The following IL12A variants were observed in gnomAD, a reference collection of about 807,000 sequenced individuals.
IL12A encodes interleukin 12A.
Under a neutral mutation model 23.5 loss-of-function variants are expected in IL12A, and 16 were observed. The ratio of observed to expected loss-of-function variants is 0.68; its 90% CI spans 0.46 to 1.03. The LOEUF (loss-of-function observed/expected upper bound fraction) is 1.03, where lower values mean the gene tolerates loss of function less well. IL12A is among the 50% of genes least tolerant of loss of function. The pLI is 0.00. For synonymous variants in IL12A, 106 were observed against 111.5 expected (o/e 0.95, Z 0.31); for missense variants, 275 against 307.0 (o/e 0.90, Z 0.78).
At chr3:159,994,388 T>G (rs1720423349) in intron 6 of IL12A, 1 of 154,220 alleles carries the variant, frequency 6.5e-6, no homozygotes, top group African/African-American at 2.4e-5. Flanking sequence ...ACCTATCATC[T>G]GGGGCATCTA....
intron 3 of IL12A, 96 bp downstream of exon 3, chr3:159,993,221 A>G (rs1275822724): frequency 1.3e-6 from 1 of 779,888 alleles, no homozygotes; most frequent in Non-Finnish European, 2.2e-6. Flanking sequence ...GGTATCCATC[A>G]TTATGGGATT....
At chr3:159,989,222 G>C (rs1345005424) in intron 1 of IL12A, 48 bp downstream of exon 1, 8 of 1,479,346 alleles carry the variant, frequency 5.4e-6, no homozygotes, top group Non-Finnish European at 7.5e-6. Flanking sequence ...GTGCGGAGGG[G>C]CGGCTGCTTG....
Position 159,993,743 on chromosome 3 carries a change from C to A in IL12A, c.505C>A (p.Gln169Lys). ...TATTTATGAAGACTTGAAGATGTAC[C>A]AGGTGGAGTTCAAGACCATGAATGC... Residue 169 changes from glutamine to lysine, a missense_variant, in exon 6 of 7, where the codon CAG becomes AAG. Transcript: ENST00000305579. 1 of 1,613,950 alleles carries A rather than the reference C, an allele frequency of 6.2e-7. No individual in the cohort carries two copies. The highest frequency in any genetic ancestry group is 1.1e-5 in the South Asian group (1 of 91,074).
chr3:159,993,701 G>A lies in IL12A; in HGVS notation c.463G>A (p.Ala155Thr), dbSNP rs766667606. 1.2e-6 allele frequency: 2 copies of A among 1,614,076 alleles called. No individual in the cohort carries two copies. Among genetic ancestry groups the A allele is most frequent in the East Asian group, 2.2e-5 (1 of 44,872 alleles). ...TTCCCCATCTTGTCATGTCACCCAGGCCCTGTGCCTTAGTAGTATTTATGA... is the reference window on the plus strand; with the variant it reads ...TTCCCCATCTTGTCATGTCACCCAGACCCTGTGCCTTAGTAGTATTTATGA... The change falls in exon 6 of 7, where the codon GCC becomes ACC. Residue 155 changes from alanine to threonine, a missense_variant and splice_region_variant. Coordinates refer to ENST00000305579, the MANE Select transcript of IL12A (RefSeq NM_000882.4).
chr3:159,993,303 A>G (rs568219725), intron 3 of IL12A, 148 bp from the exon 4 acceptor site: 6 of 743,214 alleles, frequency 8.1e-6, no homozygotes, highest in Middle Eastern at 7.8e-4. Context: ...TTTTGCAACA[A>G]TGTGAATACA....
Position 159,992,022 on chromosome 3 carries a change from T to C in IL12A, c.265-990T>C, listed in dbSNP as rs1442343886. Among the ~76,000 whole-genome samples, 5 of 152,184 alleles carry C rather than the reference T, an allele frequency of 3.3e-5. 1 individual carries two copies. Among genetic ancestry groups the C allele is most frequent in the African/African-American group, 1.2e-4 (5 of 41,444 alleles). On this transcript the variant is annotated intron_variant, in intron 2 of 6. Transcript: ENST00000305579. ...GCAGGTCACATAGCTCATTACCGGG[T>C]TCCAGGGATTGGGAGGTGGATGTCT... is the stretch of plus-strand genomic sequence containing the variant.
chr3:159,990,368 C>A, intron 2 of IL12A, 56 bp downstream of exon 2: 1 of 1,548,270 alleles, frequency 6.5e-7, no homozygotes. Flanking sequence ...AGGAAGGGGC[C>A]TCTGATCCTC....
chr3:159,989,232 G>C, intron 1 of IL12A, 58 bp downstream of exon 1: 1 of 1,342,420 alleles, frequency 7.4e-7, no homozygotes. Flanking sequence ...GCGGCTGCTT[G>C]GGAAGAGTGG....
chr3:159,990,391 T>C, intron 2 of IL12A, 79 bp downstream of exon 2: 1 of 1,396,330 alleles, frequency 7.2e-7, no homozygotes, highest in East Asian at 2.3e-5. Context: ...CTCTGGTACC[T>C]GATGGAACTG....
chr3:159,994,075 C>T (rs555058662), intron 6 of IL12A, among the ~76,000 whole-genome samples: 1 of 152,180 alleles, frequency 6.6e-6, no homozygotes. Context: ...CCCCCACACT[C>T]GGCAAATGTT....
At chr3:159,991,083 A>T (rs1019611168) in intron 2 of IL12A, among the ~76,000 whole-genome samples, 2 of 152,176 alleles carry the variant, frequency 1.3e-5, no homozygotes, top group Non-Finnish European at 2.9e-5. Context: ...TCCCCTTTCA[A>T]TCTTTCATAA....
At chr3:159,995,356 T>G in intron 6 of IL12A, 48 bp from the exon 7 acceptor site, 1 of 1,449,266 alleles carries the variant, frequency 6.9e-7, no homozygotes, top group South Asian at 1.4e-5. Flanking sequence ...AATGAATATT[T>G]GAATTTTGGA....
rs760530479 is a variant in IL12A, at chr3:159,990,240, A to T, written c.192A>T (p.Pro64=). The T allele has an allele frequency of 6.8e-6, 11 of 1,613,964 alleles. No homozygotes were observed. In the East Asian group the frequency reaches 2.2e-4, roughly 33 times the overall value. ...CCAGAAACCTCCCCGTGGCCACTCC[A>T]GACCCAGGAATGTTCCCATGCCTTC... The change falls in exon 2 of 7, where the codon CCA becomes CCT. Residue 64 remains proline (P), a synonymous_variant. Transcript: ENST00000305579.
intron 2 of IL12A, among the ~76,000 whole-genome samples, chr3:159,991,554 C>T (rs925507266): frequency 3.3e-5 from 5 of 152,196 alleles, no homozygotes; most frequent in Admixed American, 3.3e-4. Context: ...AGTGGGGTTG[C>T]CCAGGTCTGT....
chr3:159,993,248 C>T, intron 3 of IL12A, 123 bp downstream of exon 3: 2 of 741,738 alleles, frequency 2.7e-6, no homozygotes, highest in South Asian at 1.8e-5. Flanking sequence ...GGTCCTACTT[C>T]AGAAGTTAGA....
chr3:159,995,397 C>G lies in IL12A; in HGVS notation c.607-7C>G. The G allele has an allele frequency of 6.3e-7, 1 of 1,583,098 alleles. No individual in the cohort carries two copies. The highest frequency in any genetic ancestry group is 1.4e-5 in the African/African-American group (1 of 73,346). On this transcript the variant is annotated splice_region_variant and splice_polypyrimidine_tract_variant and intron_variant, in intron 6 of 6. Coordinates refer to ENST00000305579, the MANE Select transcript of IL12A (RefSeq NM_000882.4). The stretch of plus-strand genomic sequence containing the variant: ...ATGTAAGTCATGCTTACTGTTCATT[C>G]TCCTAGGCCCTGAATTTCAACAGTG...
In IL12A at chr3:159,990,228, C is replaced by G. The variant is rs540351202; in HGVS notation, c.180C>G (p.Pro60=). ...ACCTCAGTTTGGCCAGAAACCTCCCCGTGGCCACTCCAGACCCAGGAATGT... is the reference window on the plus strand; with the variant it reads ...ACCTCAGTTTGGCCAGAAACCTCCCGGTGGCCACTCCAGACCCAGGAATGT... The change falls in exon 2 of 7, where the codon CCC becomes CCG. Residue 60 remains proline, a synonymous_variant. Coordinates refer to ENST00000305579, the MANE Select transcript of IL12A (RefSeq NM_000882.4). The G allele has an allele frequency of 6.2e-7, 1 of 1,613,916 alleles. No homozygotes were observed. Among genetic ancestry groups the G allele is most frequent in the Non-Finnish European group, 8.5e-7 (1 of 1,179,974 alleles).
intron 3 of IL12A, 91 bp from the exon 4 acceptor site, chr3:159,993,360 T>C (rs922844310): frequency 2.0e-6 from 2 of 980,284 alleles, no homozygotes; most frequent in African/African-American, 3.3e-5. Context: ...TGATATGTGT[T>C]TTTACCATAA....
At position 159,995,618 on chromosome 3, in the gene IL12A, T is replaced by G. The variant is rs181052570; in HGVS notation, c.*59T>G. On this transcript the variant is annotated 3_prime_UTR_variant, in exon 7 of 7. Coordinates refer to ENST00000305579, the MANE Select transcript of IL12A (RefSeq NM_000882.4). ...ATAAAACTTTGAAATGAGGAAACTT[T>G]GATAGGATGTGGATTAAGAACTAGG... The G allele has an allele frequency of 7.5e-7, 1 of 1,335,092 alleles. No homozygotes were observed. Among genetic ancestry groups the G allele is most frequent in the African/African-American group, 1.5e-5 (1 of 67,498 alleles). The allele number at this position is 1,335,092 out of a possible 1,614,324, so 82.7% of individuals were successfully genotyped here. A position where few individuals can be genotyped will look rare whatever the true frequency, so the allele number is the denominator to read the frequency against.
Sources: gnomAD v4.1 joint callset for allele counts (sites outside exome capture counted in the v4.1 genomes callset) on GRCh38, gnomAD v4.1.1 for gene constraint, MANE v1.5 for transcripts, NCBI Gene and HGNC (gene_info 2026-07-23, HGNC 2026-07-21) for gene names.